C6: variants seen among roughly 807,000 people sequenced by gnomAD.
The protein encoded by C6 is complement component C6.
C6 carries 101 observed loss-of-function variants against 112.9 expected under a neutral mutation model. The ratio of observed to expected loss-of-function variants is 0.89; its 90% confidence interval spans 0.76 to 1.06. C6 has a LOEUF of 1.06. Ranked by LOEUF, C6 falls within the 50% of genes least tolerant of loss-of-function variation. The pLI is 0.00. For synonymous variants in C6, 431 were observed against 384.1 expected (o/e 1.12, Z -1.43); for missense variants, 1,202 against 1,104.6 (o/e 1.09, Z -1.25).
intron 1 of C6, among the ~76,000 whole-genome samples, chr5:41,238,507 T>G (rs1372192299): frequency 1.3e-5 from 2 of 152,178 alleles, no homozygotes; most frequent in South Asian, 4.1e-4. Flanking sequence ...ATGGGGCAAG[T>G]CTATTCACAC....
At chr5:41,205,578 G>A (rs889953822) in intron 1 of C6, among the ~76,000 whole-genome samples, 19 of 152,174 alleles carry the variant, frequency 1.2e-4, no homozygotes, top group African/African-American at 3.6e-4. Flanking sequence ...ATTATATCCC[G>A]CACCTGGCTC....
At chr5:41,222,564 G>C (rs1219698387) in intron 1 of C6, among the ~76,000 whole-genome samples, 1 of 151,836 alleles carries the variant, frequency 6.6e-6, no homozygotes, top group Non-Finnish European at 1.5e-5. Flanking sequence ...TTCCTTGGGG[G>C]GAAATAATGG....
Position 41,229,869 on chromosome 5 carries a change from T to A in C6, c.-20-26619A>T, listed in dbSNP as rs574224633. On this transcript the variant is annotated intron_variant, in intron 1 of 17. Transcript: ENST00000263413. Reference sequence around the variant, plus strand: ...TTTGGTGCTCAATGTTCTTTTGTTGTGGGAAGTCAGGGACCCCAAACAGAG... The same window carrying A: ...TTTGGTGCTCAATGTTCTTTTGTTGAGGGAAGTCAGGGACCCCAAACAGAG... 2.0e-5 allele frequency among the ~76,000 whole-genome samples: 3 copies of A among 152,278 alleles called. 1 individual carries two copies. In the South Asian group the frequency reaches 6.2e-4, roughly 32 times the overall value.
At chr5:41,157,283 G>A (rs753885333) in intron 13 of C6, among the ~76,000 whole-genome samples, 1 of 152,170 alleles carries the variant, frequency 6.6e-6, no homozygotes, top group Non-Finnish European at 1.5e-5. Flanking sequence ...AAGCCTTCGT[G>A]TGTTTTAAAA....
At position 41,211,263 on chromosome 5, in the gene C6, G is replaced by T. The variant is rs191367262; in HGVS notation, c.-21+2113C>A. ...GGGGTGGGGGTAGGGGAGAGGCATA[G>T]CATTAGGACATATACCTAATGCTAA... On this transcript the variant is annotated intron_variant, in intron 1 of 17. Coordinates refer to ENST00000337836, the MANE Select transcript of C6 (RefSeq NM_000065.5). Among the ~76,000 whole-genome samples the T allele has an allele frequency of 3.5e-3, 532 of 152,022 alleles. 7 individuals carry two copies. The highest frequency in any genetic ancestry group is 0.012 in the African/African-American group (503 of 41,440).
At chr5:41,184,006 C>A (rs1360602927) in intron 6 of C6, among the ~76,000 whole-genome samples, 1 of 151,838 alleles carries the variant, frequency 6.6e-6, no homozygotes, top group Non-Finnish European at 1.5e-5. Context: ...GGGCAAGAGT[C>A]GAAAAACTGT....
intron 9 of C6, among the ~76,000 whole-genome samples, chr5:41,169,937 A>G (rs1041563851): frequency 4.6e-5 from 7 of 152,170 alleles, no homozygotes; most frequent in Admixed American, 2.0e-4. Context: ...AATTATTCCA[A>G]TTGGTTTTTC....
At chr5:41,171,767 C>A (rs1361570729) in intron 9 of C6, among the ~76,000 whole-genome samples, 2 of 152,118 alleles carry the variant, frequency 1.3e-5, no homozygotes, top group Non-Finnish European at 2.9e-5. Flanking sequence ...TAATGCATGG[C>A]CCCAAAATAA....
intron 17 of C6, among the ~76,000 whole-genome samples, chr5:41,147,165 G>A (rs965656323): frequency 1.3e-5 from 2 of 152,090 alleles, no homozygotes; most frequent in Non-Finnish European, 2.9e-5. Context: ...TAAAAATGAT[G>A]TTGTATAATA....
chr5:41,223,161 A>G (rs1739282201), intron 1 of C6, among the ~76,000 whole-genome samples: 1 of 152,146 alleles, frequency 6.6e-6, no homozygotes, highest in African/African-American at 2.4e-5. Context: ...TTCTCCTATA[A>G]CTAACATTTA....
At chr5:41,210,670 G>A (rs1751843196) in intron 1 of C6, among the ~76,000 whole-genome samples, 1 of 152,126 alleles carries the variant, frequency 6.6e-6, no homozygotes, top group African/African-American at 2.4e-5. Flanking sequence ...GAGAAATGCA[G>A]ATCAAAACCA....
intron 1 of C6, among the ~76,000 whole-genome samples, chr5:41,236,388 A>G (rs1230835511): frequency 1.3e-5 from 2 of 151,788 alleles, no homozygotes; most frequent in Admixed American, 1.3e-4. Context: ...AGATAGTTGT[A>G]GATATGCGGC....
intron 1 of C6, among the ~76,000 whole-genome samples, chr5:41,238,915 G>GTGT (rs1740509670): frequency 6.6e-6 from 1 of 151,720 alleles, no homozygotes; most frequent in Non-Finnish European, 1.5e-5. Context: ...AATAACTTAC[G>GTGT]TGTTTAACAG....
chr5:41,172,325 T>C lies in C6; in HGVS notation c.1191A>G (p.Lys397=). 1 of 1,613,674 alleles carries C rather than the reference T, an allele frequency of 6.2e-7. No individual in the cohort carries two copies. Among genetic ancestry groups the C allele is most frequent in the South Asian group, 1.1e-5 (1 of 91,082 alleles). ...KNSGLTEEEA[K]HCVRIETKKR... is the part of the protein sequence containing the mutation. ...TCTTTGTTTCAATCCTGACACAGTG[T>C]TTGGCTTCTTCCTCGGTTAAACCTA... is the stretch of plus-strand genomic sequence containing the variant. Residue 397 remains lysine (K), a synonymous_variant, in exon 9 of 18, where the codon AAA becomes AAG. Transcript: ENST00000337836.
chr5:41,153,328 C>T (rs796490481), intron 15 of C6, among the ~76,000 whole-genome samples: 14 of 152,294 alleles, frequency 9.2e-5, no homozygotes, highest in African/African-American at 2.4e-4. Context: ...TCTAAGGGCA[C>T]GTGTGTGCAC....
At chr5:41,220,104 A>G (rs1739076089) in intron 1 of C6, among the ~76,000 whole-genome samples, 1 of 152,208 alleles carries the variant, frequency 6.6e-6, no homozygotes, top group South Asian at 2.1e-4. Context: ...ACAAAATGTC[A>G]ACATCTACTG....
chr5:41,159,566 G>T, intron 11 of C6: 1 of 462,656 alleles, frequency 2.2e-6, no homozygotes, highest in Non-Finnish European at 2.8e-6. Flanking sequence ...ACTCATATGT[G>T]TATAAATATA....
intron 7 of C6, among the ~76,000 whole-genome samples, chr5:41,179,656 T>TTA (rs1400979711): frequency 2.0e-5 from 3 of 148,356 alleles, no homozygotes; most frequent in African/African-American, 4.9e-5. Flanking sequence ...CTAAACTAAG[T>TTA]TATATATATA....
intron 5 of C6, among the ~76,000 whole-genome samples, chr5:41,187,489 A>T (rs78143495): frequency 6.6e-6 from 1 of 152,180 alleles, no homozygotes; most frequent in Non-Finnish European, 1.5e-5. Context: ...GCGATCTATT[A>T]GACATTTGGA....
Sources: gnomAD v4.1 joint callset for allele counts (sites outside exome capture counted in the v4.1 genomes callset) on GRCh38, gnomAD v4.1.1 for gene constraint, MANE v1.5 for transcripts, NCBI Gene and HGNC (gene_info 2026-07-23, HGNC 2026-07-21) for gene names.